Variants in APBA2 observed in about 807,000 individuals in gnomAD.
APBA2 encodes the protein amyloid beta precursor protein binding family A member 2.
In APBA2, 30 loss-of-function variants were observed where a neutral mutation model predicts 75.0. That is an observed-to-expected ratio of 0.40 (90% confidence interval 0.30 to 0.54). The LOEUF is 0.54. APBA2 is among the 20% of genes least tolerant of loss of function. The pLI, the probability that APBA2 is intolerant of heterozygous loss-of-function variation, is 0.49. For synonymous variants in APBA2, 444 were observed against 409.6 expected (o/e 1.08, Z -1.01); for missense variants, 801 against 1,016.1 (o/e 0.79, Z 2.88).
chr15:28,900,390 C>G (rs1319277164), intron 1 of APBA2, among the ~76,000 whole-genome samples: 1 of 152,162 alleles, frequency 6.6e-6, no homozygotes, highest in African/African-American at 2.4e-5. Context: ...TCTGAGGGTC[C>G]CACATGACAG....
intron 2 of APBA2, among the ~76,000 whole-genome samples, chr15:28,935,066 A>C (rs1374655639): frequency 6.6e-6 from 1 of 152,188 alleles, no homozygotes; most frequent in Non-Finnish European, 1.5e-5. Context: ...TGTTGTTGTA[A>C]GAGAAAAAAG....
chr15:29,032,211 G>A (rs1009760855), intron 3 of APBA2, among the ~76,000 whole-genome samples: 6 of 152,372 alleles, frequency 3.9e-5, no homozygotes, highest in African/African-American at 1.4e-4. Context: ...ACTTTGCCCA[G>A]CTCTGGTGCC....
chr15:28,951,183 A>G lies in APBA2; in HGVS notation c.-95+29434A>G, dbSNP rs569306933. On this transcript the variant is annotated intron_variant, in intron 2 of 14. Coordinates refer to ENST00000683413, the MANE Select transcript of APBA2 (RefSeq NM_001353788.2). ...TAGCATTTACATTGTACTAGGTATTATAAATAATCTAGAAAGGATTTAAAA... is the reference window on the plus strand; with the variant it reads ...TAGCATTTACATTGTACTAGGTATTGTAAATAATCTAGAAAGGATTTAAAA... 4.6e-5 allele frequency among the ~76,000 whole-genome samples: 7 copies of G among 152,378 alleles called. No homozygotes were observed. The East Asian group carries it at 1.2e-3, about 25-fold the overall frequency.
At chr15:28,979,037 T>C (rs1170192430) in intron 2 of APBA2, among the ~76,000 whole-genome samples, 1 of 152,216 alleles carries the variant, frequency 6.6e-6, no homozygotes, top group Non-Finnish European at 1.5e-5. Flanking sequence ...GTTGCAGCAA[T>C]AGCTGTGACC....
At chr15:29,048,006 GA>G (rs1479652269) in intron 3 of APBA2, among the ~76,000 whole-genome samples, 5 of 152,222 alleles carry the variant, frequency 3.3e-5, no homozygotes, top group Non-Finnish European at 4.4e-5. Flanking sequence ...TAAATAGGAA[GA>G]TTTTTTTGGG....
chr15:28,999,006 G>A (rs1341763899), intron 3 of APBA2, among the ~76,000 whole-genome samples: 1 of 152,100 alleles, frequency 6.6e-6, no homozygotes, highest in Non-Finnish European at 1.5e-5. Context: ...AAATTAGCTG[G>A]GTGTGGTGGC....
chr15:28,938,497 G>A (rs971307196), intron 2 of APBA2, among the ~76,000 whole-genome samples: 6 of 151,902 alleles, frequency 3.9e-5, no homozygotes, highest in African/African-American at 1.5e-4. Flanking sequence ...ATATTATGGG[G>A]GTACGTGTGA....
At chr15:28,980,413 T>G (rs2037560229) in intron 2 of APBA2, among the ~76,000 whole-genome samples, 1 of 152,088 alleles carries the variant, frequency 6.6e-6, no homozygotes, top group Admixed American at 6.5e-5. Context: ...TGTAGAAAAG[T>G]CAGTAGCATT....
chr15:28,898,532 CAT>C (rs1047114533), intron 1 of APBA2, among the ~76,000 whole-genome samples: 14 of 152,220 alleles, frequency 9.2e-5, no homozygotes, highest in South Asian at 2.1e-4. Flanking sequence ...AGACAACTGT[CAT>C]GTGTGGAAAT....
rs142113223 is a variant in APBA2 at position 29,007,814 on chromosome 15, G to C, written c.-41+12008G>C. ...GGTGCAGCCCGTCGGAAAACAGTAT[G>C]ACAGTTCCTCAAAAAATTGAAAATA... is the stretch of plus-strand genomic sequence containing the variant. On this transcript the variant is annotated intron_variant, in intron 3 of 14. Coordinates refer to ENST00000683413, the MANE Select transcript of APBA2 (RefSeq NM_001353788.2). Among the ~76,000 whole-genome samples, 43 of 152,294 alleles carry C rather than the reference G, an allele frequency of 2.8e-4. No individual in the cohort carries two copies. In the East Asian group the frequency reaches 6.6e-3, roughly 23 times the overall value.
intron 6 of APBA2, among the ~76,000 whole-genome samples, chr15:29,088,593 G>A (rs73370255): frequency 0.12 from 18,062 of 152,134 alleles, 2,553 homozygotes; most frequent in African/African-American, 0.34. Context: ...CTCCATTTCC[G>A]TTGTCACCCT....
Position 29,073,851 on chromosome 15 carries a change from T to G in APBA2, c.952-1070T>G, listed in dbSNP as rs1418258359. Among the ~76,000 whole-genome samples, 5 of 152,238 alleles carry G rather than the reference T, an allele frequency of 3.3e-5. No individual in the cohort carries two copies. In the South Asian group the frequency reaches 1.0e-3, roughly 32 times the overall value. On this transcript the variant is annotated intron_variant, in intron 4 of 14. Coordinates refer to ENST00000683413, the MANE Select transcript of APBA2 (RefSeq NM_001353788.2). Reference sequence around the variant, plus strand: ...TATAAGGAACTAAATAGAGAAAATATACCTAACCTTAAATTTTATTAATTG... The same window carrying G: ...TATAAGGAACTAAATAGAGAAAATAGACCTAACCTTAAATTTTATTAATTG...
At chr15:28,990,144 T>G (rs1172980406) in intron 2 of APBA2, among the ~76,000 whole-genome samples, 1 of 152,120 alleles carries the variant, frequency 6.6e-6, no homozygotes, top group Non-Finnish European at 1.5e-5. Flanking sequence ...AGAAGTTAGC[T>G]CCGCTGGGCG....
chr15:29,082,240 ATAACTGAC>A (rs1233384944), intron 6 of APBA2, among the ~76,000 whole-genome samples: 1 of 152,202 alleles, frequency 6.6e-6, no homozygotes, highest in Non-Finnish European at 1.5e-5. Flanking sequence ...TTATTGGCGT[ATAACTGAC>A]AAATAAAAGT....
chr15:29,063,543 G>A (rs2042241911), intron 4 of APBA2, among the ~76,000 whole-genome samples: 1 of 139,992 alleles, frequency 7.1e-6, no homozygotes, highest in Admixed American at 7.0e-5. Flanking sequence ...GGTGGTGCGG[G>A]GAGTTGATCT....
intron 5 of APBA2, among the ~76,000 whole-genome samples, chr15:29,075,782 G>A (rs2042824081): frequency 6.6e-6 from 1 of 152,148 alleles, no homozygotes; most frequent in African/African-American, 2.4e-5. Context: ...GAGCGTCATT[G>A]TGTTGGATGG....
chr15:29,088,764 T>TA (rs2043411563), intron 6 of APBA2, among the ~76,000 whole-genome samples: 1 of 152,144 alleles, frequency 6.6e-6, no homozygotes, highest in Non-Finnish European at 1.5e-5. Flanking sequence ...TGACAGTCCT[T>TA]ATGGCCTGTC....
chr15:28,932,384 G>A (rs1474976418), intron 2 of APBA2, among the ~76,000 whole-genome samples: 1 of 152,122 alleles, frequency 6.6e-6, no homozygotes, highest in African/African-American at 2.4e-5. Flanking sequence ...GCCCTCCCTG[G>A]AGCACAGCCC....
At position 29,052,454 on chromosome 15, in the gene APBA2, C is replaced by CAAAAAAAGAAA. The variant is rs1368122229; in HGVS notation, c.-40-1384_-40-1383insGAAAAAAAAAA. Among the ~76,000 whole-genome samples the CAAAAAAAGAAA allele has an allele frequency of 3.3e-3, 344 of 103,162 alleles. 11 individuals carry two copies. The highest frequency in any genetic ancestry group is 0.017 in the African/African-American group (326 of 19,324). The allele number at this position is 103,162 out of a possible 152,430, so 67.7% of individuals were successfully genotyped here. On this transcript the variant is annotated intron_variant, in intron 3 of 14. Coordinates refer to ENST00000683413, the MANE Select transcript of APBA2 (RefSeq NM_001353788.2). ...TGGGCGACAGAGCGAGACTCCATCT[C>CAAAAAAAGAAA]AAAAAAAAAAAAAAGAAGTAGAACG...
Sources: allele counts gnomAD v4.1 joint callset (sites outside exome capture counted in the v4.1 genomes callset), GRCh38; gene constraint gnomAD v4.1.1; transcripts MANE v1.5; gene names NCBI Gene and HGNC (gene_info 2026-07-23, HGNC 2026-07-21).